The following PAQR3 variants were observed in gnomAD, a reference collection of about 807,000 sequenced individuals.
PAQR3 encodes Raf kinase trapping to Golgi.
In PAQR3, 39 loss-of-function variants were observed where a neutral mutation model predicts 41.7. The ratio of observed to expected loss-of-function variants is 0.93; its 90% CI spans 0.72 to 1.22. PAQR3 has a LOEUF of 1.22. Ranked by LOEUF, PAQR3 falls within the 50% of genes most tolerant of loss-of-function variation. The probability of loss-of-function intolerance (pLI) is 0.00; values close to 1 mark genes in which losing one functional copy is unlikely to be tolerated. For synonymous variants in PAQR3, 140 were observed against 140.6 expected (o/e 1.00, Z 0.03); for missense variants, 366 against 385.6 (o/e 0.95, Z 0.42).
At chr4:78,922,782 A>G (rs1735789508) in intron 5 of PAQR3, 1 of 385,896 alleles carries the variant, frequency 2.6e-6, no homozygotes. Flanking sequence ...AAGTATTTCC[A>G]TGTTTTAGAT....
At chr4:78,891,278 T>G (rs1368888836) in intron 11 of PAQR3, among the ~76,000 whole-genome samples, 1 of 152,128 alleles carries the variant, frequency 6.6e-6, no homozygotes, top group Non-Finnish European at 1.5e-5. Flanking sequence ...CCTCTTTTTC[T>G]TATTCCTGCT....
chr4:78,911,147 G>T (rs769519712), downstream of PAQR3: 1 of 1,613,912 alleles, frequency 6.2e-7, no homozygotes, highest in Non-Finnish European at 8.5e-7. Flanking sequence ...TTTGCAGTGC[G>T]TGCTCAACAG....
At position 78,917,707 on chromosome 4, in the gene PAQR3, A is replaced by G. The variant is rs1159658394; in HGVS notation, c.*2832T>C. The G allele has an allele frequency of 1.5e-6, 1 of 667,338 alleles. No individual in the cohort carries two copies. The highest frequency in any genetic ancestry group is 2.0e-5 in the African/African-American group (1 of 50,750). 41.3% of individuals were successfully genotyped at this position (667,338 alleles called of 1,614,324 possible). A position where few individuals can be genotyped will look rare whatever the true frequency, so the allele number is the denominator to read the frequency against. ...AAGCAACCAGCAGGAATTCACAGGA[A>G]TAGGCTTTGCCCCTTGACATTTAAT... On this transcript the variant is annotated 3_prime_UTR_variant, in exon 6 of 6. Coordinates refer to ENST00000512733, the MANE Select transcript of PAQR3 (RefSeq NM_001040202.2).
intron 2 of PAQR3, among the ~76,000 whole-genome samples, chr4:78,932,746 C>T (rs1433207422): frequency 6.6e-6 from 1 of 151,786 alleles, no homozygotes; most frequent in Non-Finnish European, 1.5e-5. Flanking sequence ...CTATGGTATC[C>T]AAGGGAAAAG....
intron 11 of PAQR3, among the ~76,000 whole-genome samples, chr4:78,895,093 CAAT>C (rs1733634752): frequency 6.6e-6 from 1 of 151,944 alleles, no homozygotes; most frequent in Non-Finnish European, 1.5e-5. Context: ...GTAACAGATA[CAAT>C]AATAATGAAA....
downstream of PAQR3, chr4:78,910,968 G>T: frequency 6.2e-7 from 1 of 1,613,564 alleles, no homozygotes; most frequent in Non-Finnish European, 8.5e-7. Context: ...CTGATTATGA[G>T]CAGGCTAAAG....
chr4:78,905,927 C>T (rs539598864), intron 11 of PAQR3, among the ~76,000 whole-genome samples: 97 of 152,026 alleles, frequency 6.4e-4, no homozygotes, highest in Non-Finnish European at 1.3e-3. Context: ...TAGTTATAAC[C>T]AACTTTATAA....
chr4:78,910,899 T>C (rs1202310760), downstream of PAQR3: 2 of 1,613,942 alleles, frequency 1.2e-6, no homozygotes, highest in Non-Finnish European at 1.7e-6. Context: ...ATCTGGGTCA[T>C]AGGCCTCTCC....
chr4:78,927,438 A>G (rs1174152744), intron 3 of PAQR3, among the ~76,000 whole-genome samples: 2 of 152,240 alleles, frequency 1.3e-5, no homozygotes, highest in Non-Finnish European at 2.9e-5. Context: ...AGCTAGAAAG[A>G]TACTAGTTTA....
chr4:78,939,018 G>A (rs761443201), intron 1 of PAQR3, 22 bp downstream of exon 1: 5 of 1,558,282 alleles, frequency 3.2e-6, no homozygotes, highest in East Asian at 4.9e-5. Flanking sequence ...GGGCACTCCA[G>A]GCGGAGGCAG....
intron 11 of PAQR3, among the ~76,000 whole-genome samples, chr4:78,895,799 T>A (rs541410163): frequency 1.5e-3 from 221 of 152,280 alleles, no homozygotes; most frequent in African/African-American, 5.1e-3. Flanking sequence ...TTTTGCTTTT[T>A]TGCCCAGGCT....
intron 11 of PAQR3, chr4:78,898,748 T>C (rs1733844852): frequency 6.6e-6 from 1 of 151,676 alleles, no homozygotes; most frequent in Non-Finnish European, 1.5e-5. Context: ...ACTTTATATG[T>C]ATTGAATCAC....
intron 11 of PAQR3, among the ~76,000 whole-genome samples, chr4:78,905,280 C>T (rs1560556589): frequency 6.6e-6 from 1 of 151,652 alleles, no homozygotes; most frequent in Non-Finnish European, 1.5e-5. Flanking sequence ...ATGCAACTTC[C>T]TAAGATAATA....
At chr4:78,897,047 C>T (rs1733738620) in intron 11 of PAQR3, among the ~76,000 whole-genome samples, 1 of 151,826 alleles carries the variant, frequency 6.6e-6, no homozygotes, top group Admixed American at 6.6e-5. Flanking sequence ...GGGAAATGTA[C>T]AATGGAGCTG....
At chr4:78,894,311 T>G (rs1733589037) in intron 11 of PAQR3, among the ~76,000 whole-genome samples, 1 of 152,228 alleles carries the variant, frequency 6.6e-6, no homozygotes, top group Non-Finnish European at 1.5e-5. Flanking sequence ...AGATGGCATC[T>G]TCCAATAGAA....
At chr4:78,911,017 T>A, downstream of PAQR3, 1 of 1,613,752 alleles carries the variant, frequency 6.2e-7, no homozygotes, top group Non-Finnish European at 8.5e-7. Context: ...CAGAGACAGA[T>A]CTGGCAGTGG....
chr4:78,939,385 A>C lies in PAQR3; in HGVS notation c.-161T>G. ...GCCCAGGGCCCGGCTCTGCGCTCAC[A>C]CCGGCCACTGCCGCCAGCGCCGCGG... On this transcript the variant is annotated 5_prime_UTR_variant, in exon 1 of 6. Coordinates refer to ENST00000512733, the MANE Select transcript of PAQR3 (RefSeq NM_001040202.2). The C allele has an allele frequency of 1.4e-5, 6 of 437,220 alleles. No homozygotes were observed. Among genetic ancestry groups the C allele is most frequent in the Non-Finnish European group, 2.1e-5 (6 of 287,420 alleles). 27.1% of individuals were successfully genotyped at this position (437,220 alleles called of 1,614,324 possible). A position where few individuals can be genotyped will look rare whatever the true frequency, so the allele number is the denominator to read the frequency against.
intron 11 of PAQR3, among the ~76,000 whole-genome samples, chr4:78,890,323 G>A (rs1733360949): frequency 6.6e-6 from 1 of 151,724 alleles, no homozygotes; most frequent in Admixed American, 6.6e-5. Flanking sequence ...AATAGCTATG[G>A]ACTTTCTATT....
intron 5 of PAQR3, chr4:78,922,497 GA>G (rs1411431657): frequency 6.0e-6 from 7 of 1,160,040 alleles, no homozygotes; most frequent in South Asian, 2.6e-5. Context: ...TCTCCAAACT[GA>G]AAAAAAACAT....
Sources: allele counts gnomAD v4.1 joint callset (sites outside exome capture counted in the v4.1 genomes callset), GRCh38; gene constraint gnomAD v4.1.1; transcripts MANE v1.5; gene names NCBI Gene and HGNC (gene_info 2026-07-23, HGNC 2026-07-21).